Variants in ALDH1A2 observed in about 807,000 individuals in gnomAD.
ALDH1A2 encodes the protein aldehyde dehydrogenase 1 family member A2.
ALDH1A2 carries 27 observed loss-of-function variants against 60.3 expected under a neutral mutation model. That is an observed-to-expected ratio of 0.45 (90% CI 0.33 to 0.62). The LOEUF (loss-of-function observed/expected upper bound fraction) is 0.62. ALDH1A2 is among the 20% of genes least tolerant of loss of function. The pLI, the probability that ALDH1A2 is intolerant of heterozygous loss-of-function variation, is 0.02. For synonymous variants in ALDH1A2, 289 were observed against 232.4 expected, an observed-to-expected ratio of 1.24 and a Z score of -2.21; for missense variants, 581 against 643.8, an observed-to-expected ratio of 0.90 and a Z score of 1.06.
intron 1 of ALDH1A2, chr15:58,058,202 C>A: frequency 1.3e-6 from 1 of 748,230 alleles, no homozygotes; most frequent in Non-Finnish European, 2.2e-6. Flanking sequence ...TCCTCCTTCC[C>A]ACCTGAAATC....
intron 1 of ALDH1A2, among the ~76,000 whole-genome samples, chr15:58,033,947 T>G (rs1476178918): frequency 1.3e-5 from 2 of 151,592 alleles, no homozygotes; most frequent in Non-Finnish European, 3.0e-5. Flanking sequence ...GTTCTTTTCC[T>G]TCAATATTGT....
In ALDH1A2 at chr15:58,062,016, C is replaced by T. The variant is rs573781519; in HGVS notation, c.117+3518G>A. On this transcript the variant is annotated intron_variant, in intron 1 of 12. Coordinates refer to ENST00000249750, the MANE Select transcript of ALDH1A2 (RefSeq NM_003888.4). ...TGTTAGGAACATGGCCACTCAAATG[C>T]CTTTTGAATTTAATTGAAATAGACC... 3.8e-4 allele frequency among the ~76,000 whole-genome samples: 58 copies of T among 152,134 alleles called. No homozygotes were observed. The South Asian group carries it at 9.4e-3, about 25-fold the overall frequency.
intron 1 of ALDH1A2, among the ~76,000 whole-genome samples, chr15:58,046,165 G>A (rs968710955): frequency 1.3e-5 from 2 of 151,986 alleles, no homozygotes. Context: ...GATATCTCAC[G>A]GTCTCCAAGG....
intron 4 of ALDH1A2, among the ~76,000 whole-genome samples, chr15:58,005,773 C>G (rs1359800404): frequency 6.6e-6 from 1 of 151,856 alleles, no homozygotes; most frequent in Admixed American, 6.6e-5. Flanking sequence ...ATCTCTGACA[C>G]TCACTATGAA....
intron 12 of ALDH1A2, among the ~76,000 whole-genome samples, chr15:57,956,806 C>T (rs898088344): frequency 5.9e-5 from 9 of 152,168 alleles, no homozygotes; most frequent in African/African-American, 2.2e-4. Context: ...TGTTTCCTGG[C>T]TTCTGCACGC....
intron 1 of ALDH1A2, among the ~76,000 whole-genome samples, chr15:58,045,413 T>A (rs1449166188): frequency 1.3e-5 from 2 of 152,126 alleles, no homozygotes; most frequent in Admixed American, 1.3e-4. Flanking sequence ...CAAAGGATTA[T>A]AAATCATGCT....
At position 57,955,212 on chromosome 15, in the gene ALDH1A2, G is replaced by C. The variant is rs764909383; in HGVS notation, c.1542C>G (p.Pro514=). The stretch of plus-strand genomic sequence containing the variant: ...CTTGGCCTTCTTAGGAGTTCTTCTG[G>C]GGGATCTTTACTGTCACCGTCTTAA... ...SEVKTVTVKI[P]QKNS Residue 514 remains proline, a synonymous_variant, in exon 13 of 13, where the codon CCC becomes CCG. Coordinates refer to ENST00000249750, the MANE Select transcript of ALDH1A2 (RefSeq NM_003888.4). The C allele has an allele frequency of 1.7e-5, 28 of 1,613,956 alleles. No homozygotes were observed. The highest frequency in any genetic ancestry group is 2.3e-5 in the Non-Finnish European group (27 of 1,180,018).
intron 7 of ALDH1A2, among the ~76,000 whole-genome samples, chr15:57,975,222 T>C (rs1327596727): frequency 3.0e-5 from 2 of 66,158 alleles, no homozygotes; most frequent in African/African-American, 7.8e-5. Context: ...GAAAAGGACA[T>C]ACATGTCCAT....
intron 1 of ALDH1A2, among the ~76,000 whole-genome samples, chr15:58,039,508 G>T (rs1389598429): frequency 6.6e-6 from 1 of 151,748 alleles, no homozygotes; most frequent in African/African-American, 2.4e-5. Flanking sequence ...CCCTGGAATC[G>T]ATGTTAATTA....
chr15:57,958,793 G>A (rs758756092), intron 12 of ALDH1A2, among the ~76,000 whole-genome samples: 2 of 152,166 alleles, frequency 1.3e-5, no homozygotes, highest in Non-Finnish European at 2.9e-5. Context: ...TTAAGAAAGA[G>A]AAAACATGTT....
intron 7 of ALDH1A2, among the ~76,000 whole-genome samples, chr15:57,988,907 A>AC (rs1475260209): frequency 6.6e-6 from 1 of 152,036 alleles, no homozygotes; most frequent in Non-Finnish European, 1.5e-5. Flanking sequence ...AGTGGCTCAC[A>AC]CCTGTAATCC....
intron 7 of ALDH1A2, chr15:57,991,632 A>G (rs1336930016): frequency 6.6e-6 from 1 of 152,238 alleles, no homozygotes; most frequent in African/African-American, 2.4e-5. Flanking sequence ...CAAAGAATGC[A>G]TATGAAAAAG....
intron 10 of ALDH1A2, 26 bp downstream of exon 10, chr15:57,961,986 T>A (rs1459702114): frequency 6.2e-7 from 1 of 1,614,034 alleles, no homozygotes; most frequent in Non-Finnish European, 8.5e-7. Flanking sequence ...AAGATGTGGC[T>A]TTTGTAAGAA....
chr15:57,969,085 G>A (rs1850121548), intron 7 of ALDH1A2, among the ~76,000 whole-genome samples: 1 of 152,224 alleles, frequency 6.6e-6, no homozygotes, highest in South Asian at 2.1e-4. Context: ...GAAAGAACGG[G>A]ATGTGTTAGG....
intron 5 of ALDH1A2, among the ~76,000 whole-genome samples, chr15:57,994,604 T>C (rs1894992338): frequency 6.6e-6 from 1 of 152,214 alleles, no homozygotes; most frequent in Admixed American, 6.5e-5. Context: ...TGGTTTCAAT[T>C]ATGACTGTGA....
intron 4 of ALDH1A2, among the ~76,000 whole-genome samples, chr15:57,995,545 ATAAAC>A (rs1334969878): frequency 6.6e-6 from 1 of 152,160 alleles, no homozygotes; most frequent in Non-Finnish European, 1.5e-5. Context: ...AAGTATTAAA[ATAAAC>A]TAAGTAAAAT....
chr15:57,986,539 G>GTCC (rs1288918371), intron 7 of ALDH1A2, among the ~76,000 whole-genome samples: 2 of 116,968 alleles, frequency 1.7e-5, no homozygotes, highest in African/African-American at 6.6e-5. Context: ...TGGTCACAAT[G>GTCC]TCCAGTATCC....
rs536965497 is a variant in ALDH1A2, at chr15:57,994,905, C to G, written c.555+173G>C. Among the ~76,000 whole-genome samples, 7 of 152,174 alleles carry G rather than the reference C, an allele frequency of 4.6e-5. No individual in the cohort carries two copies. The East Asian group carries it at 1.4e-3, about 29-fold the overall frequency. ...GGTAACAGAGCTGAAACCCTATTAA[C>G]CTGTTCAAATAAGCATTTGCAGGGA... On this transcript the variant is annotated intron_variant, in intron 5 of 12. Transcript: ENST00000249750.
At chr15:57,995,034 G>C in intron 5 of ALDH1A2, 44 bp downstream of exon 5, 2 of 1,537,568 alleles carry the variant, frequency 1.3e-6, no homozygotes, top group Non-Finnish European at 9.0e-7. Flanking sequence ...TAAGAGAACT[G>C]GGTCAAATGA....
Sources: gnomAD v4.1 joint callset for allele counts (sites outside exome capture counted in the v4.1 genomes callset) on GRCh38, gnomAD v4.1.1 for gene constraint, MANE v1.5 for transcripts, NCBI Gene and HGNC (gene_info 2026-07-23, HGNC 2026-07-21) for gene names.